AHI1: variants seen among roughly 807,000 people sequenced by gnomAD.
The protein encoded by AHI1 is jouberin.
Under a neutral mutation model 149.3 loss-of-function variants are expected in AHI1, and 123 were observed. The observed-to-expected ratio is 0.82, with a 90% CI of 0.71 to 0.96. The LOEUF is 0.96. Ranked by LOEUF, AHI1 falls within the 40% of genes least tolerant of loss-of-function variation. AHI1 has a pLI of 0.00. For missense variants in AHI1, 1,439 were observed against 1,422.7 expected (o/e 1.01, Z -0.18); for synonymous variants, 475 against 459.8 (o/e 1.03, Z -0.42).
At chr6:135,367,746 T>C (rs1414351252) in intron 23 of AHI1, among the ~76,000 whole-genome samples, 1 of 152,160 alleles carries the variant, frequency 6.6e-6, no homozygotes, top group East Asian at 1.9e-4. Context: ...GATTTTTCCA[T>C]CCATATCCTG....
chr6:135,389,560 A>T (rs1263519863), intron 23 of AHI1, among the ~76,000 whole-genome samples: 1 of 152,194 alleles, frequency 6.6e-6, no homozygotes, highest in African/African-American at 2.4e-5. Context: ...GAGAAGGCAG[A>T]AGCTATTCAT....
At chr6:135,336,690 T>C (rs1409124776) in intron 24 of AHI1, among the ~76,000 whole-genome samples, 1 of 152,198 alleles carries the variant, frequency 6.6e-6, no homozygotes, top group Non-Finnish European at 1.5e-5. Context: ...TTAGAACTCA[T>C]TAGCTCTAAA....
At chr6:135,346,343 C>T (rs892381528) in intron 24 of AHI1, among the ~76,000 whole-genome samples, 25 of 152,044 alleles carry the variant, frequency 1.6e-4, no homozygotes, top group Non-Finnish European at 2.5e-4. Flanking sequence ...TACAGGTGCT[C>T]GCCACCATGC....
chr6:135,300,903 C>T, intron 26 of AHI1: 6 of 1,005,726 alleles, frequency 6.0e-6, no homozygotes, highest in Non-Finnish European at 7.1e-6. Flanking sequence ...CTAAATATAT[C>T]TTTTAGCCTG....
chr6:135,347,640 A>G (rs1461035626), intron 24 of AHI1, among the ~76,000 whole-genome samples: 1 of 152,226 alleles, frequency 6.6e-6, no homozygotes, highest in Non-Finnish European at 1.5e-5. Flanking sequence ...TAGGTGCCCA[A>G]TAAATGTTAG....
At position 135,490,298 on chromosome 6, in the gene AHI1, T is replaced by C. The variant is rs1795076018; in HGVS notation, c.135+325A>G. 4.3e-6 allele frequency: 3 copies of C among 700,664 alleles called. No homozygotes were observed. In the East Asian group the frequency reaches 8.1e-5, roughly 19 times the overall value. 43.4% of individuals were successfully genotyped at this position (700,664 alleles called of 1,614,324 possible). A position where few individuals can be genotyped will look rare whatever the true frequency, so the allele number is the denominator to read the frequency against. On this transcript the variant is annotated intron_variant, in intron 5 of 28. Transcript: ENST00000265602. ...TCAATATCTGAAGTTAAGATACTAC[T>C]TCCTAAGTTCTTCACAATTCTGGGT... is the stretch of plus-strand genomic sequence containing the variant.
intron 24 of AHI1, among the ~76,000 whole-genome samples, chr6:135,352,681 C>T (rs1792305564): frequency 6.7e-6 from 1 of 148,510 alleles, no homozygotes; most frequent in African/African-American, 2.5e-5. Context: ...TCAAGAACTA[C>T]TCAAAGACAC....
intron 23 of AHI1, among the ~76,000 whole-genome samples, chr6:135,380,743 C>A (rs1288495633): frequency 7.5e-5 from 9 of 120,676 alleles, no homozygotes; most frequent in Admixed American, 3.1e-4. Flanking sequence ...CCCCCCCCCC[C>A]CAAAAAAAAA....
In AHI1 at chr6:135,438,366, G is replaced by T. The variant is rs745992400; in HGVS notation, c.2036+9C>A. ...AGCATGCACATAAGTACTTCTCAAG[G>T]ATACTAACCTGGCAGTGCCATCAGA... On this transcript the variant is annotated intron_variant, in intron 15 of 28. Coordinates refer to ENST00000265602, the MANE Select transcript of AHI1 (RefSeq NM_001134831.2). 6.3e-7 allele frequency: 1 copy of T among 1,578,662 alleles called. No individual in the cohort carries two copies. Among genetic ancestry groups the T allele is most frequent in the Non-Finnish European group, 8.6e-7 (1 of 1,160,230 alleles).
rs886061112 is a variant in AHI1, at chr6:135,455,767, A to C, written c.1311T>G (p.Ser437=). The C allele has an allele frequency of 5.0e-6, 8 of 1,603,962 alleles. No individual in the cohort carries two copies. The highest frequency in any genetic ancestry group is 6.8e-6 in the Non-Finnish European group (8 of 1,174,332). The change falls in exon 10 of 29, where the codon TCT becomes TCG. Residue 437 remains serine, a synonymous_variant. Transcript: ENST00000265602. ...ACAGGATGACTTTAGGACTCTCATC[A>C]GAGCCTCGAAGCAAATAGGGAAAAT... ...NENFPYLLRG[S]DESPKVILFF...
chr6:135,361,806 G>A (rs1359927121), intron 23 of AHI1, among the ~76,000 whole-genome samples: 1 of 151,666 alleles, frequency 6.6e-6, no homozygotes, highest in Non-Finnish European at 1.5e-5. Flanking sequence ...GTGTATCTTT[G>A]GATTTTGCTA....
At chr6:135,460,007 T>A (rs1020079132) in intron 8 of AHI1, among the ~76,000 whole-genome samples, 1 of 151,736 alleles carries the variant, frequency 6.6e-6, no homozygotes, top group Non-Finnish European at 1.5e-5. Flanking sequence ...GCCTGGAAAA[T>A]GTAGTGAGAC....
intron 5 of AHI1, among the ~76,000 whole-genome samples, chr6:135,473,578 T>C (rs903196025): frequency 4.6e-5 from 7 of 152,158 alleles, no homozygotes; most frequent in African/African-American, 1.2e-4. Flanking sequence ...TTGATTAGGA[T>C]TGAATTTAAC....
intron 4 of AHI1, 136 bp downstream of exon 4, chr6:135,492,092 T>C (rs1318284450): frequency 1.9e-6 from 1 of 538,614 alleles, no homozygotes; most frequent in African/African-American, 1.9e-5. Flanking sequence ...CCAATAAGTA[T>C]CTCTAAATGT....
intron 27 of AHI1, among the ~76,000 whole-genome samples, chr6:135,297,117 C>A (rs1287859373): frequency 2.0e-5 from 3 of 152,170 alleles, no homozygotes; most frequent in Non-Finnish European, 4.4e-5. Flanking sequence ...TAGGACAAGA[C>A]CAAATTCTTG....
chr6:135,408,839 T>C lies in AHI1; in HGVS notation c.2961+2509A>G, dbSNP rs78057115. Among the ~76,000 whole-genome samples the C allele has an allele frequency of 8.6e-3, 1,314 of 152,302 alleles. 10 individuals carry two copies. The highest frequency in any genetic ancestry group is 0.017 in the Admixed American group (259 of 15,306). On this transcript the variant is annotated intron_variant, in intron 21 of 28. Coordinates refer to ENST00000265602, the MANE Select transcript of AHI1 (RefSeq NM_001134831.2). ...ATTCTACTAGAAGTATGGTCAAAGATATTTCTCAGGATGCTTAGGCTTCTT... is the reference window on the plus strand; with the variant it reads ...ATTCTACTAGAAGTATGGTCAAAGACATTTCTCAGGATGCTTAGGCTTCTT...
rs1490641975 is a variant in AHI1 at position 135,457,642 on chromosome 6, G to T, written c.1003C>A (p.Pro335Thr). 2 of 1,613,744 alleles carry T rather than the reference G, an allele frequency of 1.2e-6. No individual in the cohort carries two copies. Among genetic ancestry groups the T allele is most frequent in the Non-Finnish European group, 1.7e-6 (2 of 1,179,870 alleles). ...AGGTCATCATCAAGCAAACATTTGG[G>T]ATAAACCGGGCTATCTCGGCTTGTT... ...EITSRDSPVY[P>T]KCLLDDDLVL... Residue 335 changes from proline (P) to threonine (T), a missense_variant, in exon 9 of 29, where the codon CCC becomes ACC. By Grantham distance (38) the Pro-to-Thr change is conservative (BLOSUM62 -1). Coordinates refer to ENST00000265602, the MANE Select transcript of AHI1 (RefSeq NM_001134831.2).
chr6:135,459,274 A>G (rs57087688), intron 8 of AHI1, among the ~76,000 whole-genome samples: 39 of 152,320 alleles, frequency 2.6e-4, no homozygotes, highest in African/African-American at 9.4e-4. Context: ...ACTTCTAAAT[A>G]ATGATCAATT....
At chr6:135,449,001 T>G (rs944168289) in intron 11 of AHI1, among the ~76,000 whole-genome samples, 1 of 152,216 alleles carries the variant, frequency 6.6e-6, no homozygotes, top group Non-Finnish European at 1.5e-5. Flanking sequence ...AGGTCTATTT[T>G]TAAAACCCTA....
Sources: allele counts gnomAD v4.1 joint callset (sites outside exome capture counted in the v4.1 genomes callset), GRCh38; gene constraint gnomAD v4.1.1; transcripts MANE v1.5; gene names NCBI Gene and HGNC (gene_info 2026-07-23, HGNC 2026-07-21).